The following NUP88 variants were observed in gnomAD, a reference collection of about 807,000 sequenced individuals.
NUP88 encodes the protein nuclear pore complex protein Nup88.
NUP88 carries 57 observed loss-of-function variants against 93.9 expected under a neutral mutation model. The observed-to-expected ratio is 0.61, with a 90% confidence interval of 0.49 to 0.76. The LOEUF is 0.76. NUP88 is among the 30% of genes least tolerant of loss of function. The pLI is 0.00. For missense variants in NUP88, 911 were observed against 901.0 expected (o/e 1.01, Z -0.14); for synonymous variants, 346 against 336.8 (o/e 1.03, Z -0.30).
In NUP88 at chr17:5,387,477, A is replaced by T; in HGVS notation, c.1836-11T>A. 1 of 1,613,648 alleles carries T rather than the reference A, an allele frequency of 6.2e-7. No homozygotes were observed. Among genetic ancestry groups the T allele is most frequent in the Non-Finnish European group, 8.5e-7 (1 of 1,179,528 alleles). On this transcript the variant is annotated splice_polypyrimidine_tract_variant and intron_variant, in intron 13 of 16. Coordinates refer to ENST00000573584, the MANE Select transcript of NUP88 (RefSeq NM_002532.6). ...TCCCGCAGACTTTTCCTAATGATGT[A>T]AGACACAAGAGACTCTTGAGGTCCA...
At chr17:5,415,674 A>T (rs796750176) in intron 2 of NUP88, among the ~76,000 whole-genome samples, 2 of 152,264 alleles carry the variant, frequency 1.3e-5, no homozygotes, top group South Asian at 2.1e-4. Context: ...TAATGTTGAA[A>T]AATCCTACGT....
intron 8 of NUP88, among the ~76,000 whole-genome samples, chr17:5,397,855 C>A (rs1251642849): frequency 6.6e-6 from 1 of 151,200 alleles, no homozygotes. Flanking sequence ...TTTTTTTTAA[C>A]TGCTCTCACT....
chr17:5,387,229 A>T (rs1348977086), intron 14 of NUP88, 119 bp from the exon 15 acceptor site: 3 of 1,309,644 alleles, frequency 2.3e-6, no homozygotes, highest in Non-Finnish European at 3.2e-6. Flanking sequence ...AGGAAGGGTT[A>T]GGGGAGAGCC....
intron 7 of NUP88, among the ~76,000 whole-genome samples, chr17:5,402,853 G>T (rs1374609074): frequency 6.6e-6 from 1 of 152,056 alleles, no homozygotes; most frequent in Non-Finnish European, 1.5e-5. Flanking sequence ...CAAAAATTAG[G>T]CGTGGTGGTG....
Position 5,385,783 on chromosome 17 carries a change from T to G in NUP88, c.*423A>C. ...AAGGTGTGTCCTCAAGAAGAAAGTG[T>G]TCAAATTAAAAAAGCTGCTGCCAAG... is the stretch of plus-strand genomic sequence containing the variant. On this transcript the variant is annotated 3_prime_UTR_variant, in exon 17 of 17. Coordinates refer to ENST00000573584, the MANE Select transcript of NUP88 (RefSeq NM_002532.6). 4.2e-6 allele frequency: 1 copy of G among 235,972 alleles called. No homozygotes were observed. The highest frequency in any genetic ancestry group is 2.2e-5 in the African/African-American group (1 of 45,534). 14.6% of individuals were successfully genotyped at this position (235,972 alleles called of 1,614,324 possible).
chr17:5,390,676 A>T (rs1185739783), intron 10 of NUP88, among the ~76,000 whole-genome samples: 1 of 151,452 alleles, frequency 6.6e-6, no homozygotes, highest in East Asian at 2.0e-4. Context: ...AGTTCCTTAA[A>T]GGAGCAAAGA....
At chr17:5,399,705 T>A (rs1250826729) in intron 7 of NUP88, 55 bp from the exon 8 acceptor site, 1 of 933,158 alleles carries the variant, frequency 1.1e-6, no homozygotes, top group African/African-American at 1.7e-5. Context: ...CTAAAAAAAT[T>A]TACCTCAAAT....
Position 5,394,960 on chromosome 17 carries a change from A to G in NUP88, c.1313T>C (p.Leu438Ser), listed in dbSNP as rs1020225250. Residue 438 changes from leucine to serine, a missense_variant, in exon 9 of 17, where the codon TTA becomes TCA. Transcript: ENST00000573584. ...LGSDEEDKDSLQELSTEQKCF... is the reference protein window; with the variant it reads ...LGSDEEDKDSSQELSTEQKCF... ...TTTCTGTTCTGTAGAGAGTTCCTGT[A>G]AACTATCCTTATCTTCTTCATCTAC... 2 of 1,610,102 alleles carry G rather than the reference A, an allele frequency of 1.2e-6. No homozygotes were observed. Among genetic ancestry groups the G allele is most frequent in the Non-Finnish European group, 1.7e-6 (2 of 1,176,290 alleles).
rs771184927 is a variant in NUP88 at position 5,419,513 on chromosome 17, C to T, written c.138G>A (p.Ser46=). The T allele has an allele frequency of 1.9e-6, 3 of 1,613,902 alleles. No individual in the cohort carries two copies. Among genetic ancestry groups the T allele is most frequent in the South Asian group, 1.1e-5 (1 of 91,084 alleles). The change falls in exon 1 of 17, where the codon TCG becomes TCA. Residue 46 remains serine (S), a synonymous_variant. Transcript: ENST00000573584. The stretch of plus-strand genomic sequence containing the variant: ...ACTGCGGCGGCGGCGACGAAGGCAA[C>T]GACGAAGAAGCTGGTTTCTCAGCTT... ...PTEAEKPASS[S]LPSSPPPQLL... is the part of the protein sequence containing the mutation.
At chr17:5,401,542 AAATT>A (rs1913168636) in intron 7 of NUP88, among the ~76,000 whole-genome samples, 1 of 152,250 alleles carries the variant, frequency 6.6e-6, no homozygotes, top group African/African-American at 2.4e-5. Context: ...ACTTTATCAT[AAATT>A]AATATTCTAA....
Position 5,404,254 on chromosome 17 carries a change from A to G in NUP88, c.1045-8T>C, listed in dbSNP as rs1401938213. Reference sequence around the variant, plus strand: ...ATCCCAGGACTTTTCTGACTGTAAAAAAAAGTGTTGTAATTTTGATCTTGC... The same window carrying G: ...ATCCCAGGACTTTTCTGACTGTAAAGAAAAGTGTTGTAATTTTGATCTTGC... On this transcript the variant is annotated splice_region_variant and splice_polypyrimidine_tract_variant and intron_variant, in intron 6 of 16. Transcript: ENST00000573584. The G allele has an allele frequency of 6.2e-7, 1 of 1,609,908 alleles. No individual in the cohort carries two copies. The highest frequency in any genetic ancestry group is 1.1e-5 in the South Asian group (1 of 89,878).
At chr17:5,415,526 G>A (rs1914084609) in intron 2 of NUP88, among the ~76,000 whole-genome samples, 1 of 152,146 alleles carries the variant, frequency 6.6e-6, no homozygotes, top group South Asian at 2.1e-4. Flanking sequence ...AGTTTAAGGG[G>A]ACTCAACTTA....
chr17:5,414,903 G>A (rs548860357), intron 2 of NUP88, among the ~76,000 whole-genome samples: 1 of 152,020 alleles, frequency 6.6e-6, no homozygotes, highest in African/African-American at 2.4e-5. Flanking sequence ...GGCTGAGGAG[G>A]TTGCAGTGAG....
chr17:5,396,349 C>T (rs1912774984), intron 8 of NUP88, among the ~76,000 whole-genome samples: 1 of 152,226 alleles, frequency 6.6e-6, no homozygotes, highest in African/African-American at 2.4e-5. Context: ...CTTTCTGTCT[C>T]TGTACATTTG....
At chr17:5,411,501 T>C (rs1597329343) in intron 3 of NUP88, among the ~76,000 whole-genome samples, 1 of 150,936 alleles carries the variant, frequency 6.6e-6, no homozygotes, top group Non-Finnish European at 1.5e-5. Flanking sequence ...GAGGTGGAGG[T>C]TGCGGTGAGC....
At chr17:5,391,758 C>A in intron 9 of NUP88, 96 bp from the exon 10 acceptor site, 1 of 971,566 alleles carries the variant, frequency 1.0e-6, no homozygotes, top group South Asian at 1.4e-5. Context: ...CAGGCCTGGG[C>A]TGAAGTTGCT....
chr17:5,400,099 A>G (rs1913050086), intron 7 of NUP88, among the ~76,000 whole-genome samples: 2 of 138,406 alleles, frequency 1.4e-5, no homozygotes, highest in Non-Finnish European at 3.0e-5. Context: ...AATGGTGCCG[A>G]TAGACTTGCT....
chr17:5,404,217 G>A lies in NUP88; in HGVS notation c.1074C>T (p.Asp358=). 4 of 1,613,818 alleles carry A rather than the reference G, an allele frequency of 2.5e-6. No individual in the cohort carries two copies. The highest frequency in any genetic ancestry group is 3.4e-6 in the Non-Finnish European group (4 of 1,179,874). The change falls in exon 7 of 17, where the codon GAC becomes GAT. Residue 358 remains aspartate, a synonymous_variant. Coordinates refer to ENST00000573584, the MANE Select transcript of NUP88 (RefSeq NM_002532.6). ...TSEKSWDSRI[D]LIPSLYVFEC... ...CAAACACATACAGAGAAGGAATGAG[G>A]TCAATCCTGGAATCCCAGGACTTTT...
chr17:5,397,504 C>T (rs1912850223), intron 8 of NUP88, among the ~76,000 whole-genome samples: 1 of 152,120 alleles, frequency 6.6e-6, no homozygotes, highest in African/African-American at 2.4e-5. Context: ...GAAGAGACTA[C>T]AAGCCAAGGA....
Sources: gnomAD v4.1 joint callset for allele counts (sites outside exome capture counted in the v4.1 genomes callset) on GRCh38, gnomAD v4.1.1 for gene constraint, MANE v1.5 for transcripts, NCBI Gene and HGNC (gene_info 2026-07-23, HGNC 2026-07-21) for gene names.